SAMD13: variants seen among roughly 807,000 people sequenced by gnomAD.
The protein encoded by SAMD13 is sterile alpha motif domain-containing protein 13.
A neutral mutation model predicts 12.4 loss-of-function variants in SAMD13; 9 were observed. The ratio of observed to expected loss-of-function variants is 0.72; its 90% confidence interval spans 0.44 to 1.26. The LOEUF is 1.26. Among genes scored for constraint, SAMD13 ranks in the 50% most tolerant of loss-of-function variants. The probability of loss-of-function intolerance (pLI) is 0.00; values close to 1 mark genes in which losing one functional copy is unlikely to be tolerated. For synonymous variants in SAMD13, 46 were observed against 45.4 expected (o/e 1.01, Z -0.05); for missense variants, 84 against 119.6 (o/e 0.70, Z 1.39).
chr1:84,344,998 G>A (rs369220205), intron 3 of SAMD13: 24 of 456,708 alleles, frequency 5.3e-5, no homozygotes, highest in South Asian at 3.6e-4. Flanking sequence ...GGCCTTGTGG[G>A]TAAAGCCAGG....
At chr1:84,335,157 C>T (rs1481065757) in intron 3 of SAMD13, among the ~76,000 whole-genome samples, 3 of 152,044 alleles carry the variant, frequency 2.0e-5, no homozygotes, top group African/African-American at 7.2e-5. Context: ...AAGTCTCCCA[C>T]TATTATTTTG....
intron 2 of SAMD13, among the ~76,000 whole-genome samples, chr1:84,310,361 G>GA (rs936350873): frequency 0.029 from 4,207 of 147,596 alleles, 200 homozygotes; most frequent in African/African-American, 0.098. Flanking sequence ...TAGCTGATGA[G>GA]AAAAAAAAAA....
Position 84,349,872 on chromosome 1 carries a change from A to G in SAMD13, c.*98A>G. 6.8e-7 allele frequency: 1 copy of G among 1,474,940 alleles called. No individual in the cohort carries two copies. The highest frequency in any genetic ancestry group is 9.0e-7 in the Non-Finnish European group (1 of 1,114,788). 91.4% of individuals were successfully genotyped at this position (1,474,940 alleles called of 1,614,324 possible). ...GTAAACAGAATACATACATGTGTATATGTAAAGAATTTCAATCAAATGAAA... is the reference window on the plus strand; with the variant it reads ...GTAAACAGAATACATACATGTGTATGTGTAAAGAATTTCAATCAAATGAAA... On this transcript the variant is annotated 3_prime_UTR_variant, in exon 4 of 4. Transcript: ENST00000394834.
intron 2 of SAMD13, among the ~76,000 whole-genome samples, chr1:84,324,396 C>A (rs1249770644): frequency 1.3e-5 from 2 of 152,200 alleles, no homozygotes; most frequent in Non-Finnish European, 2.9e-5. Flanking sequence ...CAGTTAATTT[C>A]TGGCTGTCTT....
chr1:84,329,591 T>C (rs1259846066), intron 3 of SAMD13, among the ~76,000 whole-genome samples: 1 of 152,178 alleles, frequency 6.6e-6, no homozygotes, highest in Non-Finnish European at 1.5e-5. Context: ...GCAGCTGGAT[T>C]AAGGTGGTGG....
intron 3 of SAMD13, among the ~76,000 whole-genome samples, chr1:84,341,218 T>A (rs1221067795): frequency 6.6e-6 from 1 of 152,196 alleles, no homozygotes; most frequent in Non-Finnish European, 1.5e-5. Context: ...CCCTAACTAA[T>A]ACACTTTGTC....
intron 2 of SAMD13, among the ~76,000 whole-genome samples, chr1:84,315,338 AT>A (rs1678809996): frequency 6.6e-6 from 1 of 152,210 alleles, no homozygotes; most frequent in Non-Finnish European, 1.5e-5. Flanking sequence ...ATCATGCAAT[AT>A]TTGTCCTTCT....
intron 3 of SAMD13, among the ~76,000 whole-genome samples, chr1:84,347,435 T>A (rs1012100840): frequency 2.0e-5 from 3 of 152,208 alleles, no homozygotes; most frequent in African/African-American, 7.2e-5. Context: ...ATTTCAGCAT[T>A]TTTCACAGGC....
intron 3 of SAMD13, chr1:84,344,727 C>A: frequency 2.7e-6 from 1 of 363,680 alleles, no homozygotes; most frequent in Non-Finnish European, 5.4e-6. Context: ...GCTTCCTCCC[C>A]TGATATTAAG....
At chr1:84,298,649 C>T (rs558993036), upstream of SAMD13, 3 of 1,214,986 alleles carry the variant, frequency 2.5e-6, no homozygotes, top group South Asian at 8.3e-5. Flanking sequence ...ACGAAGAATG[C>T]CGCAATGAAA....
At chr1:84,322,208 A>G (rs1678961031) in intron 2 of SAMD13, among the ~76,000 whole-genome samples, 1 of 152,154 alleles carries the variant, frequency 6.6e-6, no homozygotes, top group African/African-American at 2.4e-5. Context: ...GGCAGGGACT[A>G]TGCATTCCCT....
upstream of SAMD13, chr1:84,299,673 A>ATATATATATATT (rs756472323): frequency 2.2e-5 from 20 of 900,558 alleles, no homozygotes; most frequent in Middle Eastern, 3.0e-4. Context: ...ATATATATAT[A>ATATATATATATT]TATTTATTTA....
intron 3 of SAMD13, among the ~76,000 whole-genome samples, chr1:84,327,292 A>C (rs1679079410): frequency 6.6e-6 from 1 of 152,220 alleles, no homozygotes; most frequent in African/African-American, 2.4e-5. Flanking sequence ...AGCCATTTGC[A>C]TGAGTCTCAA....
At chr1:84,322,849 T>C (rs552436914) in intron 2 of SAMD13, among the ~76,000 whole-genome samples, 1 of 152,314 alleles carries the variant, frequency 6.6e-6, no homozygotes, top group South Asian at 2.1e-4. Context: ...CTCAAGAATA[T>C]TTCAAAATTA....
intron 2 of SAMD13, among the ~76,000 whole-genome samples, chr1:84,304,898 A>G (rs189613930): frequency 1.3e-5 from 2 of 152,236 alleles, no homozygotes; most frequent in East Asian, 3.9e-4. Context: ...GATCTACAAC[A>G]ATTTGTTTAC....
At chr1:84,324,729 C>T (rs1194022056) in intron 2 of SAMD13, among the ~76,000 whole-genome samples, 2 of 152,148 alleles carry the variant, frequency 1.3e-5, no homozygotes, top group South Asian at 2.1e-4. Context: ...GAAAGCCAGA[C>T]AAATACTCCC....
upstream of SAMD13, among the ~76,000 whole-genome samples, chr1:84,298,863 G>C (rs1404647936): frequency 1.3e-5 from 2 of 152,058 alleles, no homozygotes; most frequent in African/African-American, 4.8e-5. Context: ...CGGGGACCCC[G>C]AGAACGCCAC....
intron 2 of SAMD13, among the ~76,000 whole-genome samples, chr1:84,314,052 T>C (rs370048151): frequency 6.6e-6 from 1 of 152,182 alleles, no homozygotes; most frequent in African/African-American, 2.4e-5. Flanking sequence ...AAGTAAAATA[T>C]TAAGGTAGAC....
intron 2 of SAMD13, among the ~76,000 whole-genome samples, chr1:84,306,491 T>C (rs1303788367): frequency 6.6e-6 from 1 of 151,790 alleles, no homozygotes; most frequent in Non-Finnish European, 1.5e-5. Flanking sequence ...AGTAGAACCT[T>C]CAGTGAAAAG....
Sources: gnomAD v4.1 joint callset for allele counts (sites outside exome capture counted in the v4.1 genomes callset) on GRCh38, gnomAD v4.1.1 for gene constraint, MANE v1.5 for transcripts, NCBI Gene and HGNC (gene_info 2026-07-23, HGNC 2026-07-21) for gene names.